The following NKPD1 variants were observed in gnomAD, a reference collection of about 807,000 sequenced individuals.
The protein encoded by NKPD1 is NTPase KAP family P-loop domain containing 1.
In NKPD1, 37 loss-of-function variants were observed where a neutral mutation model predicts 42.2. That is an observed-to-expected ratio of 0.88 (90% CI 0.67 to 1.15). The LOEUF (loss-of-function observed/expected upper bound fraction) is 1.15. NKPD1 is among the 50% of genes most tolerant of loss of function. The pLI is 0.00. For synonymous variants in NKPD1, 552 were observed against 536.5 expected (o/e 1.03, Z -0.40); for missense variants, 1,113 against 1,174.6 (o/e 0.95, Z 0.77).
upstream of NKPD1, among the ~76,000 whole-genome samples, chr19:45,161,376 C>T (rs546642780): frequency 3.3e-5 from 5 of 152,316 alleles, no homozygotes; most frequent in African/African-American, 9.6e-5. Flanking sequence ...GGGTGGGAGT[C>T]CCCTCAGCTC....
chr19:45,154,843 G>A (rs1391086640), intron 4 of NKPD1, among the ~76,000 whole-genome samples: 4 of 152,028 alleles, frequency 2.6e-5, no homozygotes, highest in African/African-American at 9.7e-5. Context: ...TGGCCAACAC[G>A]GTGAAACCCC....
rs745771513 is a variant in NKPD1 at position 45,152,070 on chromosome 19, C to T, written c.2367G>A (p.Ala789=). ...AAHRANSASR[A]PPSGRASGQA... is the part of the protein sequence containing the mutation. ...GCCCTGAGGCACGGCCCGACGGGGG[C>T]GCCCTGGAGGCGCTGTTGGCCCGGT... is the stretch of plus-strand genomic sequence containing the variant. Residue 789 remains alanine (A), a synonymous_variant, in exon 5 of 5, where the codon GCG becomes GCA. Transcript: ENST00000686631. The T allele has an allele frequency of 3.7e-6, 6 of 1,607,530 alleles. No homozygotes were observed. In the Admixed American group the frequency reaches 1.0e-4, roughly 27 times the overall value.
At chr19:45,155,101 C>T (rs1968877654) in intron 4 of NKPD1, among the ~76,000 whole-genome samples, 1 of 150,072 alleles carries the variant, frequency 6.7e-6, no homozygotes, top group African/African-American at 2.5e-5. Context: ...AGGCGGATCA[C>T]ATGAGGTCAA....
In NKPD1 at chr19:45,158,839, T is replaced by G; in HGVS notation, c.353A>C (p.Lys118Thr). 7.8e-7 allele frequency: 1 copy of G among 1,281,660 alleles called. No homozygotes were observed. The highest frequency in any genetic ancestry group is 1.0e-6 in the Non-Finnish European group (1 of 978,208). 79.4% of individuals were successfully genotyped at this position (1,281,660 alleles called of 1,614,324 possible). The change falls in exon 3 of 5, where the codon AAG (lysine) becomes ACG (threonine). Residue 118 changes from lysine (K) to threonine (T), a missense_variant. Lys to Thr is a moderately conservative substitution (Grantham distance 78, BLOSUM62 -1). This residue lies in a region of NKPD1 where 204 missense variants were observed against 227.8 expected (regional missense o/e 0.90). Transcript: ENST00000686631. The surrounding 1 kb of genome is among the most constrained non-coding windows in gnomAD (Gnocchi z 4.6). ...KGLPATSTVP[K>T]EPASAPQAPT... Reference sequence around the variant, plus strand: ...CGCCTGAGGGGCGCTGGCAGGTTCCTTGGGGACAGTGGAGGTTGCAGGCAG... The same window carrying G: ...CGCCTGAGGGGCGCTGGCAGGTTCCGTGGGGACAGTGGAGGTTGCAGGCAG...
intron 3 of NKPD1, among the ~76,000 whole-genome samples, chr19:45,157,362 A>G (rs1968922590): frequency 6.6e-6 from 1 of 152,160 alleles, no homozygotes; most frequent in African/African-American, 2.4e-5. Flanking sequence ...GCAAACCCTG[A>G]CATCCCCCAT....
Sources: allele counts gnomAD v4.1 joint callset (sites outside exome capture counted in the v4.1 genomes callset), GRCh38; gene constraint gnomAD v4.1.1; regional missense constraint gnomAD v4.1.1; non-coding constraint Gnocchi (gnomAD v3.1); transcripts MANE v1.5; gene names NCBI Gene and HGNC (gene_info 2026-07-23, HGNC 2026-07-21).